The following TMEM170B variants were observed in gnomAD, a reference collection of about 807,000 sequenced individuals.
The protein encoded by TMEM170B is transmembrane protein 170B.
A neutral mutation model predicts 13.0 loss-of-function variants in TMEM170B; 6 were observed. The ratio of observed to expected loss-of-function variants is 0.46; its 90% CI spans 0.25 to 0.91. The LOEUF (loss-of-function observed/expected upper bound fraction) is 0.91, where lower values mean the gene tolerates loss of function less well. Among genes scored for constraint, TMEM170B ranks in the 40% least tolerant of loss-of-function variants. The probability of loss-of-function intolerance (pLI) is 0.17; values close to 1 mark genes in which losing one functional copy is unlikely to be tolerated. For missense variants in TMEM170B, 138 were observed against 165.2 expected, an observed-to-expected ratio of 0.84 and a Z score of 0.90; for synonymous variants, 61 against 64.9, an observed-to-expected ratio of 0.94 and a Z score of 0.29.
chr6:11,539,370 A>G (rs1438588286), intron 1 of TMEM170B, among the ~76,000 whole-genome samples: 3 of 152,254 alleles, frequency 2.0e-5, no homozygotes, highest in African/African-American at 7.2e-5. Flanking sequence ...GTAGAACATT[A>G]GTATTTCAAA....
intron 1 of TMEM170B, among the ~76,000 whole-genome samples, chr6:11,551,831 G>A (rs1759529091): frequency 6.6e-6 from 1 of 152,188 alleles, no homozygotes; most frequent in Non-Finnish European, 1.5e-5. Flanking sequence ...AGGGTAGAGA[G>A]GCAGGAGAGG....
At chr6:11,545,280 C>CTCTCTGTGTGTGTGTGTG (rs1442789332) in intron 1 of TMEM170B, among the ~76,000 whole-genome samples, 4,874 of 139,530 alleles carry the variant, frequency 0.035, 108 homozygotes, top group Middle Eastern at 0.045. Flanking sequence ...CTCTCTCTCT[C>CTCTCTGTGTGTGTGTGTG]TGTGTGTGTG....
intron 1 of TMEM170B, among the ~76,000 whole-genome samples, chr6:11,546,161 T>G (rs1759437401): frequency 1.3e-5 from 2 of 151,704 alleles, no homozygotes; most frequent in African/African-American, 4.8e-5. Context: ...GGACAAAGTG[T>G]GGAGGTGGAA....
intron 1 of TMEM170B, among the ~76,000 whole-genome samples, chr6:11,553,536 A>G (rs1759550792): frequency 6.6e-6 from 1 of 152,078 alleles, no homozygotes; most frequent in Non-Finnish European, 1.5e-5. Flanking sequence ...CTCAACTTCT[A>G]CTAGCTAGTT....
At chr6:11,563,052 G>A (rs1759691236) in intron 1 of TMEM170B, among the ~76,000 whole-genome samples, 1 of 152,114 alleles carries the variant, frequency 6.6e-6, no homozygotes, top group African/African-American at 2.4e-5. Flanking sequence ...CATACTCGCT[G>A]TTGACTGGGG....
chr6:11,566,673 T>C (rs1052216655), intron 2 of TMEM170B, among the ~76,000 whole-genome samples: 2 of 152,222 alleles, frequency 1.3e-5, no homozygotes, highest in African/African-American at 2.4e-5. Context: ...GAGACACAAA[T>C]GGGCACTTTG....
chr6:11,562,240 A>G (rs574297310), intron 1 of TMEM170B, among the ~76,000 whole-genome samples: 3 of 151,964 alleles, frequency 2.0e-5, no homozygotes, highest in Non-Finnish European at 4.4e-5. Context: ...TCAATATGCA[A>G]ATATCTGCTG....
Position 11,580,607 on chromosome 6 carries a change from C to G in TMEM170B, c.*5046C>G, listed in dbSNP as rs767276185. The G allele has an allele frequency of 6.6e-6, 1 of 152,174 alleles. No individual in the cohort carries two copies. The highest frequency in any genetic ancestry group is 2.4e-5 in the African/African-American group (1 of 41,436). The allele number at this position is 152,174 out of a possible 1,614,324, so 9.4% of individuals were successfully genotyped here. On this transcript the variant is annotated 3_prime_UTR_variant, in exon 3 of 3. Coordinates refer to ENST00000379426, the MANE Select transcript of TMEM170B (RefSeq NM_001100829.3). ...TTTCTTTTAATAATCGGGTGAAACT[C>G]TGAATTGTTAAAACGGACCAATAAT...
At chr6:11,565,635 C>G in intron 1 of TMEM170B, 31 bp from the exon 2 acceptor site, 2 of 1,609,920 alleles carry the variant, frequency 1.2e-6, no homozygotes, top group Non-Finnish European at 1.7e-6. Flanking sequence ...TGTGTTTCAA[C>G]AGATGATTAA....
At chr6:11,560,076 ATACCCAGTATGCAG>A (rs1170163528) in intron 1 of TMEM170B, among the ~76,000 whole-genome samples, 2 of 151,986 alleles carry the variant, frequency 1.3e-5, no homozygotes, top group African/African-American at 4.8e-5. Context: ...TCTCTACTGC[ATACCCAGTATGCAG>A]TAATTCTCAT....
chr6:11,557,781 A>G (rs1181900999), intron 1 of TMEM170B, among the ~76,000 whole-genome samples: 1 of 152,214 alleles, frequency 6.6e-6, no homozygotes, highest in Non-Finnish European at 1.5e-5. Context: ...CATCTCTATC[A>G]TCCAGGCCAT....
At chr6:11,548,556 C>T (rs1393087309) in intron 1 of TMEM170B, among the ~76,000 whole-genome samples, 1 of 152,142 alleles carries the variant, frequency 6.6e-6, no homozygotes, top group African/African-American at 2.4e-5. Flanking sequence ...CCATTTGACC[C>T]AGCCATCCCA....
intron 2 of TMEM170B, among the ~76,000 whole-genome samples, chr6:11,568,993 G>C (rs984648827): frequency 1.3e-5 from 2 of 152,022 alleles, no homozygotes; most frequent in African/African-American, 4.8e-5. Context: ...TTTAATTTTA[G>C]CCAGTCTAAA....
At position 11,562,772 on chromosome 6, in the gene TMEM170B, T is replaced by C. The variant is rs369569130; in HGVS notation, c.98-2894T>C. ...GATTTTGCTAGTATTTCTTCTACAC[T>C]TGTACTCTTCTCTATTGTGTATTTA... is the stretch of plus-strand genomic sequence containing the variant. On this transcript the variant is annotated intron_variant, in intron 1 of 2. Transcript: ENST00000379426. Among the ~76,000 whole-genome samples, 29 of 152,288 alleles carry C rather than the reference T, an allele frequency of 1.9e-4. No homozygotes were observed. The East Asian group carries it at 4.6e-3, about 24-fold the overall frequency.
chr6:11,556,621 A>G (rs997864748), intron 1 of TMEM170B, among the ~76,000 whole-genome samples: 2 of 151,996 alleles, frequency 1.3e-5, no homozygotes, highest in Non-Finnish European at 2.9e-5. Flanking sequence ...ATGGTGGCCA[A>G]ACTCTTCTTA....
chr6:11,549,684 A>C (rs917648757), intron 1 of TMEM170B, among the ~76,000 whole-genome samples: 2 of 151,940 alleles, frequency 1.3e-5, no homozygotes, highest in African/African-American at 4.8e-5. Flanking sequence ...AAGAAAAAAG[A>C]GGCCTCATTA....
In TMEM170B at chr6:11,565,799, T is replaced by G. The variant is rs1759724822; in HGVS notation, c.231T>G (p.Ile77Met). ...GRVISVIAVS[I>M]GFLASVTGAM... is the part of the protein sequence containing the mutation. ...TCATCTCTGTCATTGCAGTCAGCAT[T>G]GGATTTCTGGCTTCTGTAACTGGAG... The change falls in exon 2 of 3, where the codon ATT (isoleucine) becomes ATG (methionine). Residue 77 changes from isoleucine (I) to methionine (M), a missense_variant. Ile to Met is a conservative substitution (Grantham distance 10, BLOSUM62 1). Coordinates refer to ENST00000379426, the MANE Select transcript of TMEM170B (RefSeq NM_001100829.3). 6.2e-7 allele frequency: 1 copy of G among 1,614,162 alleles called. No individual in the cohort carries two copies. The highest frequency in any genetic ancestry group is 8.5e-7 in the Non-Finnish European group (1 of 1,180,002).
At chr6:11,543,269 GA>G (rs1759386728) in intron 1 of TMEM170B, among the ~76,000 whole-genome samples, 1 of 152,126 alleles carries the variant, frequency 6.6e-6, no homozygotes, top group African/African-American at 2.4e-5. Flanking sequence ...TTATTGAGAT[GA>G]ATTTTTAAAA....
intron 1 of TMEM170B, among the ~76,000 whole-genome samples, chr6:11,554,286 G>A (rs1759561000): frequency 6.6e-6 from 1 of 151,774 alleles, no homozygotes; most frequent in Non-Finnish European, 1.5e-5. Context: ...ATCAAAAAAT[G>A]TTTTTTTGTA....
Sources: allele counts gnomAD v4.1 joint callset (sites outside exome capture counted in the v4.1 genomes callset), GRCh38; gene constraint gnomAD v4.1.1; transcripts MANE v1.5; gene names NCBI Gene and HGNC (gene_info 2026-07-23, HGNC 2026-07-21).